Variants in TMEM87A observed in about 807,000 individuals in gnomAD.
TMEM87A encodes Golgi-pH regulating cation channel.
Under a neutral mutation model 90.0 loss-of-function variants are expected in TMEM87A, and 50 were observed. The ratio of observed to expected loss-of-function variants is 0.56; its 90% CI spans 0.44 to 0.70. The LOEUF is 0.70. Among genes scored for constraint, TMEM87A ranks in the 30% least tolerant of loss-of-function variants. The pLI is 0.00. For synonymous variants in TMEM87A, 226 were observed against 226.7 expected (o/e 1.00, Z 0.03); for missense variants, 577 against 660.5 (o/e 0.87, Z 1.39).
intron 10 of TMEM87A, 24 bp downstream of exon 10, chr15:42,236,296 T>G: frequency 6.3e-7 from 1 of 1,593,826 alleles, no homozygotes; most frequent in Non-Finnish European, 8.6e-7. Flanking sequence ...AATTTGCTCT[T>G]CCATACAGGA....
At chr15:42,233,882 A>T (rs1457915470) in intron 10 of TMEM87A, among the ~76,000 whole-genome samples, 2 of 148,806 alleles carry the variant, frequency 1.3e-5, no homozygotes, top group Non-Finnish European at 3.0e-5. Flanking sequence ...CAACCCTCCC[A>T]CCTCAGCCTC....
At chr15:42,220,168 T>C (rs1209886772) in intron 15 of TMEM87A, 33 bp from the exon 16 acceptor site, 1 of 1,548,540 alleles carries the variant, frequency 6.5e-7, no homozygotes, top group Non-Finnish European at 8.7e-7. Context: ...AAGGAAAAAA[T>C]TAGAAAACTT....
intron 14 of TMEM87A, 107 bp downstream of exon 14, chr15:42,227,604 T>C: frequency 1.1e-6 from 1 of 946,792 alleles, no homozygotes; most frequent in Non-Finnish European, 1.6e-6. Context: ...GAGACCTAGC[T>C]CTAATTTTTT....
At chr15:42,252,299 G>A (rs1266814205) in intron 6 of TMEM87A, among the ~76,000 whole-genome samples, 1 of 152,186 alleles carries the variant, frequency 6.6e-6, no homozygotes, top group African/African-American at 2.4e-5. Context: ...TACCTCAGTT[G>A]GAAATGCAGA....
At chr15:42,271,965 G>A in intron 2 of TMEM87A, 98 bp downstream of exon 2, 10 of 987,454 alleles carry the variant, frequency 1.0e-5, no homozygotes, top group Non-Finnish European at 1.5e-5. Context: ...GATAATGCCA[G>A]ACTATTAGAT....
chr15:42,257,022 G>A (rs961732593), intron 6 of TMEM87A, among the ~76,000 whole-genome samples: 1 of 152,108 alleles, frequency 6.6e-6, no homozygotes. Context: ...CTGGCTTAAC[G>A]ATAACTTTTT....
At chr15:42,252,031 G>A (rs541407958) in intron 6 of TMEM87A, among the ~76,000 whole-genome samples, 8 of 152,376 alleles carry the variant, frequency 5.3e-5, no homozygotes, top group South Asian at 2.1e-4. Context: ...GCAAGGCTCC[G>A]TGGGCGTGGG....
chr15:42,217,217 G>A (rs2050398513), intron 19 of TMEM87A, among the ~76,000 whole-genome samples: 1 of 152,082 alleles, frequency 6.6e-6, no homozygotes, highest in Non-Finnish European at 1.5e-5. Context: ...GCCTCCCAAA[G>A]TGCTGGGATT....
intron 7 of TMEM87A, among the ~76,000 whole-genome samples, chr15:42,242,285 C>T (rs1457326768): frequency 6.6e-6 from 1 of 151,966 alleles, no homozygotes; most frequent in Non-Finnish European, 1.5e-5. Flanking sequence ...TACCAATGTA[C>T]TACGGTAGTA....
At chr15:42,232,200 C>T (rs1408938556) in intron 11 of TMEM87A, among the ~76,000 whole-genome samples, 1 of 152,096 alleles carries the variant, frequency 6.6e-6, no homozygotes, top group Non-Finnish European at 1.5e-5. Flanking sequence ...TATACTTCTT[C>T]GTATTAATCC....
At chr15:42,218,190 C>A (rs568722555) in intron 18 of TMEM87A, 133 bp downstream of exon 18, 2 of 898,382 alleles carry the variant, frequency 2.2e-6, no homozygotes, top group Non-Finnish European at 3.4e-6. Flanking sequence ...ATTTTGTTTG[C>A]GGATTATTCC....
Position 42,273,309 on chromosome 15 carries a change from T to C in TMEM87A, c.90A>G (p.Gly30=). The C allele has an allele frequency of 6.2e-7, 1 of 1,614,124 alleles. No individual in the cohort carries two copies. Among genetic ancestry groups the C allele is most frequent in the Non-Finnish European group, 8.5e-7 (1 of 1,180,010 alleles). The change falls in exon 1 of 20, where the codon GGA becomes GGG. Residue 30 remains glycine (G), a synonymous_variant. Transcript: ENST00000389834. ...GGTCGGCAGCAGCTACGGTTGCCGG[T>C]CCCGCACTGAAAAACGACAGTGGTG... The part of the protein sequence containing the change: ...HPSPLSFFSA[G]PATVAAADRS...
At chr15:42,238,725 G>T (rs1019568650) in intron 8 of TMEM87A, among the ~76,000 whole-genome samples, 4 of 147,760 alleles carry the variant, frequency 2.7e-5, no homozygotes, top group African/African-American at 9.9e-5. Flanking sequence ...CTGCACTCCA[G>T]CCTGGGAGAC....
rs2050271662 is a variant in TMEM87A, at chr15:42,210,871, C to T, written c.*837G>A. 1 of 152,624 alleles carries T rather than the reference C, an allele frequency of 6.6e-6. No individual in the cohort carries two copies. Among genetic ancestry groups the T allele is most frequent in the Admixed American group, 6.5e-5 (1 of 15,282 alleles). The allele number at this position is 152,624 out of a possible 1,614,324, so 9.5% of individuals were successfully genotyped here. The stretch of plus-strand genomic sequence containing the variant: ...CTCAATCACAGCACTTGGAGCACCT[C>T]TCTGCATAAAGGCAAACAAAACATT... On this transcript the variant is annotated 3_prime_UTR_variant, in exon 20 of 20. Transcript: ENST00000389834.
rs2050274824 is a variant in TMEM87A at position 42,211,007 on chromosome 15, A to G, written c.*701T>C. The G allele has an allele frequency of 1.3e-5, 2 of 152,668 alleles. No individual in the cohort carries two copies. The highest frequency in any genetic ancestry group is 6.5e-5 in the Admixed American group (1 of 15,284). 9.5% of individuals were successfully genotyped at this position (152,668 alleles called of 1,614,324 possible). A position where few individuals can be genotyped will look rare whatever the true frequency, so the allele number is the denominator to read the frequency against. Reference sequence around the variant, plus strand: ...GGATGTGTCACAATAGCAGATGTCAAAAGAGTTAAGCTAATATTTCTCTTT... The same window carrying G: ...GGATGTGTCACAATAGCAGATGTCAGAAGAGTTAAGCTAATATTTCTCTTT... On this transcript the variant is annotated 3_prime_UTR_variant, in exon 20 of 20. Transcript: ENST00000389834.
intron 8 of TMEM87A, among the ~76,000 whole-genome samples, chr15:42,238,453 C>T (rs1416534149): frequency 6.6e-6 from 1 of 152,086 alleles, no homozygotes; most frequent in Non-Finnish European, 1.5e-5. Context: ...ACCTGTAGTC[C>T]CAGCTACTCA....
intron 6 of TMEM87A, among the ~76,000 whole-genome samples, chr15:42,244,737 C>G (rs2050939864): frequency 1.4e-5 from 2 of 144,578 alleles, no homozygotes; most frequent in Non-Finnish European, 3.1e-5. Flanking sequence ...GACAAATTAA[C>G]AGTCTCCAAG....
At chr15:42,271,111 G>A (rs964641400) in intron 2 of TMEM87A, among the ~76,000 whole-genome samples, 26 of 152,032 alleles carry the variant, frequency 1.7e-4, no homozygotes, top group African/African-American at 4.6e-4. Context: ...AATTAAAGCC[G>A]GTTTCAGAAC....
Position 42,244,080 on chromosome 15 carries a change from T to C in TMEM87A, c.592A>G (p.Lys198Glu), listed in dbSNP as rs369933990. The change falls in exon 7 of 20, where the codon AAA becomes GAA. Residue 198 changes from lysine to glutamate, a missense_variant. Physicochemically the swap from Lys to Glu is moderately conservative, Grantham distance 56. Coordinates refer to ENST00000389834, the MANE Select transcript of TMEM87A (RefSeq NM_015497.5). ...AAAAGATTACTCAGTGAATTTTCTT[T>C]TGATGATTCCTTTGAGGATGAAATG... ...IGISSSKESS[K>E]ENSLSNLFTM... The C allele has an allele frequency of 1.9e-6, 3 of 1,572,854 alleles. No individual in the cohort carries two copies. The African/African-American group carries it at 4.2e-5, about 22-fold the overall frequency.
Sources: allele counts gnomAD v4.1 joint callset (sites outside exome capture counted in the v4.1 genomes callset), GRCh38; gene constraint gnomAD v4.1.1; transcripts MANE v1.5; gene names NCBI Gene and HGNC (gene_info 2026-07-23, HGNC 2026-07-21).